ADCY9: variants seen among roughly 807,000 people sequenced by gnomAD.
ADCY9 encodes the protein adenylate cyclase type 9.
Under a neutral mutation model 101.5 loss-of-function variants are expected in ADCY9, and 50 were observed. That is an observed-to-expected ratio of 0.49 (90% confidence interval 0.39 to 0.62). The LOEUF (loss-of-function observed/expected upper bound fraction) is 0.62. Among genes scored for constraint, ADCY9 ranks in the 20% least tolerant of loss-of-function variants. The pLI, the probability that ADCY9 is intolerant of heterozygous loss-of-function variation, is 0.00. For synonymous variants in ADCY9, 905 were observed against 769.3 expected (o/e 1.18, Z -2.92); for missense variants, 1,662 against 1,800.4 (o/e 0.92, Z 1.39).
chr16:4,075,459 T>C (rs902221110), intron 2 of ADCY9, among the ~76,000 whole-genome samples: 1 of 152,162 alleles, frequency 6.6e-6, no homozygotes, highest in African/African-American at 2.4e-5. Context: ...TTTAATCTCT[T>C]ACTAAATTAA....
chr16:4,086,647 G>A (rs2056940556), intron 2 of ADCY9, among the ~76,000 whole-genome samples: 1 of 151,908 alleles, frequency 6.6e-6, no homozygotes. Flanking sequence ...AAAAAAATTG[G>A]ACTGTGTTTT....
downstream of ADCY9, among the ~76,000 whole-genome samples, chr16:3,962,262 G>A (rs189093738): frequency 8.5e-5 from 13 of 152,238 alleles, no homozygotes; most frequent in East Asian, 2.5e-3. Flanking sequence ...CTGTGTACCT[G>A]CAATCACTCT....
At chr16:4,006,615 A>C (rs1234071570) in intron 3 of ADCY9, among the ~76,000 whole-genome samples, 1 of 152,182 alleles carries the variant, frequency 6.6e-6, no homozygotes, top group Admixed American at 6.5e-5. Context: ...GCAGCATAGG[A>C]GAGCTGTTTT....
chr16:3,980,925 G>A (rs2056136219), intron 7 of ADCY9, among the ~76,000 whole-genome samples: 1 of 152,196 alleles, frequency 6.6e-6, no homozygotes, highest in African/African-American at 2.4e-5. Context: ...CAGAGAGGGT[G>A]ATGCAGGAAG....
At chr16:4,052,285 C>G (rs920559850) in intron 2 of ADCY9, among the ~76,000 whole-genome samples, 1 of 152,326 alleles carries the variant, frequency 6.6e-6, no homozygotes, top group African/African-American at 2.4e-5. Context: ...TGGTCCTGGG[C>G]GGGCTCCGGG....
intron 3 of ADCY9, among the ~76,000 whole-genome samples, chr16:3,995,333 T>G (rs2056278376): frequency 6.6e-6 from 1 of 151,940 alleles, no homozygotes; most frequent in African/African-American, 2.4e-5. Flanking sequence ...GGGGCTGAGG[T>G]GGGAGGGCTG....
At chr16:4,009,469 C>T (rs898755222) in intron 2 of ADCY9, among the ~76,000 whole-genome samples, 3 of 152,128 alleles carry the variant, frequency 2.0e-5, no homozygotes, top group Non-Finnish European at 4.4e-5. Context: ...GTTGGCCAGG[C>T]TGGTCTCGAA....
intron 2 of ADCY9, among the ~76,000 whole-genome samples, chr16:4,047,773 G>A (rs1186824760): frequency 1.3e-5 from 2 of 152,212 alleles, no homozygotes; most frequent in Non-Finnish European, 2.9e-5. Flanking sequence ...TGGCCAGGCT[G>A]ATCTCGAACT....
chr16:4,101,395 T>A (rs2057042461), intron 2 of ADCY9, among the ~76,000 whole-genome samples: 1 of 151,470 alleles, frequency 6.6e-6, no homozygotes, highest in African/African-American at 2.4e-5. Context: ...TCCTCCCATC[T>A]CAGTCTGCCA....
At chr16:4,101,722 G>A (rs1478827605) in intron 2 of ADCY9, among the ~76,000 whole-genome samples, 5 of 151,562 alleles carry the variant, frequency 3.3e-5, no homozygotes, top group Admixed American at 2.0e-4. Context: ...AAACAAATGA[G>A]TTTACAGTAG....
At chr16:3,979,479 C>T (rs545402965) in intron 7 of ADCY9, among the ~76,000 whole-genome samples, 24 of 152,326 alleles carry the variant, frequency 1.6e-4, no homozygotes, top group African/African-American at 5.8e-4. Context: ...CTCATTGTAC[C>T]TGATTCTAGG....
intron 2 of ADCY9, among the ~76,000 whole-genome samples, chr16:4,063,018 C>G (rs1034739427): frequency 1.3e-5 from 2 of 152,150 alleles, no homozygotes; most frequent in Admixed American, 1.3e-4. Context: ...ATCTGTAGAC[C>G]ATGTCAAGCA....
At chr16:3,968,912 C>G (rs1567414465) in intron 10 of ADCY9, among the ~76,000 whole-genome samples, 3 of 151,906 alleles carry the variant, frequency 2.0e-5, no homozygotes, top group Non-Finnish European at 4.4e-5. Context: ...GTGGCGTGAT[C>G]TCGCCTCACC....
chr16:4,029,739 T>G (rs2056542245), intron 2 of ADCY9, among the ~76,000 whole-genome samples: 1 of 152,132 alleles, frequency 6.6e-6, no homozygotes, highest in Non-Finnish European at 1.5e-5. Context: ...AGTGAGACTC[T>G]GTCTCAAGAC....
intron 2 of ADCY9, among the ~76,000 whole-genome samples, chr16:4,059,053 T>C (rs111500860): frequency 1.3e-5 from 2 of 152,154 alleles, no homozygotes; most frequent in Admixed American, 1.3e-4. Flanking sequence ...ATTTCTATAT[T>C]GCCAAATTTT....
chr16:4,090,849 T>C (rs1718143920), intron 2 of ADCY9, among the ~76,000 whole-genome samples: 1 of 151,942 alleles, frequency 6.6e-6, no homozygotes, highest in African/African-American at 2.4e-5. Context: ...TGCATTCATA[T>C]AAAAAGAGTC....
Position 3,966,669 on chromosome 16 carries a change from G to T in ADCY9, c.3168C>A (p.Ser1056Arg). The T allele has an allele frequency of 6.2e-7, 1 of 1,614,128 alleles. No individual in the cohort carries two copies. The highest frequency in any genetic ancestry group is 8.5e-7 in the Non-Finnish European group (1 of 1,180,040). ...VSQTYSKNHD[S>R]GGVIFASIVN... ...CGATGCTGGCGAAGATCACCCCTCC[G>T]CTGTCATGGTTCTTGGAGTAGGTCT... Residue 1056 changes from serine (S) to arginine (R), a missense_variant, in exon 11 of 11, where the codon AGC becomes AGA. This residue lies in a region of ADCY9 where 220 missense variants were observed against 312.9 expected (regional missense o/e 0.70). Coordinates refer to ENST00000294016, the MANE Select transcript of ADCY9 (RefSeq NM_001116.4).
chr16:4,014,291 C>T (rs1339665425), intron 2 of ADCY9, among the ~76,000 whole-genome samples: 5 of 149,474 alleles, frequency 3.3e-5, no homozygotes, highest in African/African-American at 1.2e-4. Flanking sequence ...TGCACTCCAG[C>T]CTGGGTGACA....
At chr16:4,039,272 C>T (rs964057215) in intron 2 of ADCY9, among the ~76,000 whole-genome samples, 13 of 152,176 alleles carry the variant, frequency 8.5e-5, no homozygotes, top group Admixed American at 4.6e-4. Context: ...AAACACCCAC[C>T]CCTTTCTGTG....
Sources: gnomAD v4.1 joint callset for allele counts (sites outside exome capture counted in the v4.1 genomes callset) on GRCh38, gnomAD v4.1.1 for gene constraint, gnomAD v4.1.1 regional missense constraint, MANE v1.5 for transcripts, NCBI Gene and HGNC (gene_info 2026-07-23, HGNC 2026-07-21) for gene names.